HMCN2: variants seen among roughly 807,000 people sequenced by gnomAD.
HMCN2 encodes hemicentin 2.
Under a neutral mutation model 377.5 loss-of-function variants are expected in HMCN2, and 325 were observed. The ratio of observed to expected loss-of-function variants is 0.86; its 90% CI spans 0.79 to 0.94. HMCN2 has a LOEUF of 0.94. Ranked by LOEUF, HMCN2 falls within the 40% of genes least tolerant of loss-of-function variation. The pLI is 0.00. For synonymous variants in HMCN2, 2,007 were observed against 2,046.8 expected, an observed-to-expected ratio of 0.98 and a Z score of 0.53; for missense variants, 4,543 against 4,725.3, an observed-to-expected ratio of 0.96 and a Z score of 1.13.
intron 22 of HMCN2, among the ~76,000 whole-genome samples, chr9:130,337,618 G>C (rs952150462): frequency 2.1e-4 from 32 of 152,114 alleles, no homozygotes; most frequent in Non-Finnish European, 3.2e-4. Flanking sequence ...CAACTTGCCT[G>C]AGGTCACACA....
chr9:130,392,860 G>A (rs1162520534), intron 66 of HMCN2, among the ~76,000 whole-genome samples: 2 of 151,904 alleles, frequency 1.3e-5, no homozygotes, highest in Non-Finnish European at 2.9e-5. Context: ...GCCGGGCCTG[G>A]TGGCGGGCGC....
rs904466122 is a variant in HMCN2, at chr9:130,351,434, C to T, written c.4442C>T (p.Pro1481Leu). ...EWTKDRQPVLPGGPHLQVQED... is the reference protein window; with the variant it reads ...EWTKDRQPVLLGGPHLQVQED... ...GCCCGTCTCTCCAGGCCTGTCCTTC[C>T]GGGAGGCCCTCACCTGCAGGTCCAG... Residue 1481 changes from proline (P) to leucine (L), a missense_variant, in exon 30 of 98, where the codon CCG becomes CTG. Pro to Leu is a moderately conservative substitution (Grantham distance 98). Transcript: ENST00000683500. This position sits in a 1 kb window ranked among gnomAD's most constrained non-coding sequence, Gnocchi z 5.4. 8.4e-6 allele frequency: 11 copies of T among 1,304,028 alleles called. No homozygotes were observed. The highest frequency in any genetic ancestry group is 1.2e-5 in the South Asian group (1 of 80,976). 80.8% of individuals were successfully genotyped at this position (1,304,028 alleles called of 1,614,324 possible).
chr9:130,334,549 GTT>G (rs1192246439), intron 22 of HMCN2, among the ~76,000 whole-genome samples: 287 of 99,068 alleles, frequency 2.9e-3, no homozygotes, highest in African/African-American at 7.5e-3. Flanking sequence ...ACTTTTGGAA[GTT>G]TTTTTTTTTT....
intron 28 of HMCN2, 46 bp downstream of exon 28, chr9:130,349,177 G>T: frequency 7.8e-7 from 1 of 1,288,260 alleles, no homozygotes; most frequent in South Asian, 1.3e-5. Flanking sequence ...GTCTGGCCCT[G>T]TAGCCCCAAC....
At chr9:130,405,683 G>A (rs960381275) in intron 81 of HMCN2, among the ~76,000 whole-genome samples, 12 of 152,248 alleles carry the variant, frequency 7.9e-5, no homozygotes, top group Non-Finnish European at 1.6e-4. Context: ...AAGTTCTGAG[G>A]ACAGGGCAGC....
At chr9:130,388,613 G>A in intron 62 of HMCN2, 73 bp downstream of exon 62, 1 of 969,386 alleles carries the variant, frequency 1.0e-6, no homozygotes, top group Non-Finnish European at 1.2e-6. Context: ...AGAAGCGGAC[G>A]AAGGAAGTTA....
rs567211067 is a variant in HMCN2 at position 130,389,633 on chromosome 9, G to A, written c.9523+1093G>A. ...TCTGTTACCCAGGCTGGGGTGCAGTGCCACAATCTCGGCTCACTGCAACCT... is the reference window on the plus strand; with the variant it reads ...TCTGTTACCCAGGCTGGGGTGCAGTACCACAATCTCGGCTCACTGCAACCT... On this transcript the variant is annotated intron_variant, in intron 62 of 97. Coordinates refer to ENST00000683500, the MANE Select transcript of HMCN2 (RefSeq NM_001291815.2). Among the ~76,000 whole-genome samples, 8 of 151,338 alleles carry A rather than the reference G, an allele frequency of 5.3e-5. No individual in the cohort carries two copies. The East Asian group carries it at 1.6e-3, about 29-fold the overall frequency.
rs190124122 is a variant in HMCN2 at position 130,309,734 on chromosome 9, C to T, written c.2201-178C>T. On this transcript the variant is annotated intron_variant, in intron 14 of 97. Coordinates refer to ENST00000683500, the MANE Select transcript of HMCN2 (RefSeq NM_001291815.2). ...CTGTTCAACAGAGGGAAGGCCCAAG[C>T]CCCCTGCAGGACTGGACCCAGGGGT... Among the ~76,000 whole-genome samples, 456 of 152,212 alleles carry T rather than the reference C, an allele frequency of 3.0e-3. 2 individuals are homozygous for T. The highest frequency in any genetic ancestry group is 5.6e-3 in the Non-Finnish European group (378 of 68,000).
At chr9:130,322,529 T>C (rs1837913643) in intron 19 of HMCN2, among the ~76,000 whole-genome samples, 1 of 152,212 alleles carries the variant, frequency 6.6e-6, no homozygotes, top group Admixed American at 6.5e-5. Flanking sequence ...GAGGCATCAG[T>C]TTAATAAGGG....
chr9:130,313,343 G>A (rs1241133911), intron 15 of HMCN2, among the ~76,000 whole-genome samples: 1 of 146,338 alleles, frequency 6.8e-6, no homozygotes, highest in Non-Finnish European at 1.5e-5. Context: ...TCTGTGCCAG[G>A]AGGGCCTGCA....
chr9:130,334,523 G>A (rs962826668), intron 22 of HMCN2, among the ~76,000 whole-genome samples: 139 of 147,362 alleles, frequency 9.4e-4, no homozygotes, highest in African/African-American at 3.2e-3. Flanking sequence ...CACTTTTATT[G>A]GTGTGAATTG....
At position 130,304,049 on chromosome 9, in the gene HMCN2, A is replaced by G. The variant is rs1836695748; in HGVS notation, c.1543+441A>G. 6.6e-6 allele frequency among the ~76,000 whole-genome samples: 1 copy of G among 152,250 alleles called. No homozygotes were observed. Among genetic ancestry groups the G allele is most frequent in the Non-Finnish European group, 1.5e-5 (1 of 68,046 alleles). On this transcript the variant is annotated intron_variant, in intron 10 of 97. Transcript: ENST00000683500. This position sits in a 1 kb window ranked among gnomAD's most constrained non-coding sequence, Gnocchi z 4.3. ...ACGAACGCAAGCTGCTTTGTAGAGA[A>G]AAAAAGGAACCCGTAAGCGTGGAAA... is the stretch of plus-strand genomic sequence containing the variant.
rs898720338 is a variant in HMCN2 at position 130,414,699 on chromosome 9, C to A, written c.12961+4047C>A. Among the ~76,000 whole-genome samples, 4 of 151,716 alleles carry A rather than the reference C, an allele frequency of 2.6e-5. No individual in the cohort carries two copies. The highest frequency in any genetic ancestry group is 9.7e-5 in the African/African-American group (4 of 41,200). ...TGATCAGGGCTCACTGCAGCCTGGG[C>A]TCGGGTGATCATCCCATCTCAGCCT... On this transcript the variant is annotated intron_variant, in intron 85 of 97. Transcript: ENST00000683500. The surrounding 1 kb of genome is among the most constrained non-coding windows in gnomAD (Gnocchi z 4.4).
rs909312924 is a variant in HMCN2 at position 130,351,730 on chromosome 9, TG to T, written c.4585+157del. Among the ~76,000 whole-genome samples, 10 of 149,328 alleles carry T rather than the reference TG, an allele frequency of 6.7e-5. No homozygotes were observed. The highest frequency in any genetic ancestry group is 2.5e-4 in the African/African-American group (10 of 40,786). ...GAAAGCTGGGGGCTGGGGTCGGGGT[TG>T]GGGTCAGGGTCAGGGGATAGAGGTT... is the stretch of plus-strand genomic sequence containing the variant. On this transcript the variant is annotated intron_variant, in intron 30 of 97. Coordinates refer to ENST00000683500, the MANE Select transcript of HMCN2 (RefSeq NM_001291815.2). This position sits in a 1 kb window ranked among gnomAD's most constrained non-coding sequence, Gnocchi z 5.4.
At position 130,383,547 on chromosome 9, in the gene HMCN2, T is replaced by C; in HGVS notation, c.8777T>C (p.Val2926Ala). The C allele has an allele frequency of 8.1e-6, 8 of 986,054 alleles. No homozygotes were observed. The highest frequency in any genetic ancestry group is 9.6e-6 in the Non-Finnish European group (8 of 830,086). 61.1% of individuals were successfully genotyped at this position (986,054 alleles called of 1,614,324 possible). ...GCCGACGCCGCCAGCTACATGTGTG[T>C]GGCCGAGAACCAGGCGGGCTCCGCT... ...EVADAASYMC[V>A]AENQAGSAEK... Residue 2926 changes from valine to alanine, a missense_variant, in exon 57 of 98, where the codon GTG becomes GCG. Val to Ala is a moderately conservative substitution (Grantham distance 64, BLOSUM62 0). Transcript: ENST00000683500.
At position 130,408,842 on chromosome 9, in the gene HMCN2, A is replaced by G; in HGVS notation, c.12788A>G (p.Asp4263Gly). The G allele has an allele frequency of 7.8e-7, 1 of 1,289,784 alleles. No homozygotes were observed. Among genetic ancestry groups the G allele is most frequent in the African/African-American group, 1.5e-5 (1 of 65,990 alleles). 79.9% of individuals were successfully genotyped at this position (1,289,784 alleles called of 1,614,324 possible). A position where few individuals can be genotyped will look rare whatever the true frequency, so the allele number is the denominator to read the frequency against. ...DCVVRGDPVP[D>G]IHWIKDGLPL... ...GTGGTGCGTGGAGACCCAGTGCCGG[A>G]CATCCACTGGATCAAAGATGGCCTT... The change falls in exon 84 of 98, where the codon GAC (aspartate) becomes GGC (glycine). Residue 4263 changes from aspartate (D) to glycine (G), a missense_variant. Coordinates refer to ENST00000683500, the MANE Select transcript of HMCN2 (RefSeq NM_001291815.2).
At chr9:130,413,054 A>G (rs1843509925) in intron 85 of HMCN2, among the ~76,000 whole-genome samples, 2 of 152,074 alleles carry the variant, frequency 1.3e-5, no homozygotes, top group Non-Finnish European at 2.9e-5. Flanking sequence ...TTTTGAATGT[A>G]CTGGTCTTAT....
intron 22 of HMCN2, among the ~76,000 whole-genome samples, chr9:130,329,146 C>T (rs998996166): frequency 1.3e-5 from 2 of 152,210 alleles, no homozygotes; most frequent in Non-Finnish European, 2.9e-5. Flanking sequence ...TTGGCAGCCA[C>T]CAGCCCCCCA....
chr9:130,292,831 G>T (rs1554930474), intron 4 of HMCN2, among the ~76,000 whole-genome samples: 1 of 152,128 alleles, frequency 6.6e-6, no homozygotes, highest in African/African-American at 2.4e-5. Flanking sequence ...GCCTGCCCCA[G>T]ACCTGGAATT....
Sources: gnomAD v4.1 joint callset for allele counts (sites outside exome capture counted in the v4.1 genomes callset) on GRCh38, gnomAD v4.1.1 for gene constraint, Gnocchi (gnomAD v3.1) non-coding constraint, MANE v1.5 for transcripts, NCBI Gene and HGNC (gene_info 2026-07-23, HGNC 2026-07-21) for gene names.